The following ITGBL1 variants were observed in gnomAD, a reference collection of about 807,000 sequenced individuals.
ITGBL1 encodes integrin beta-like protein 1.
A neutral mutation model predicts 68.5 loss-of-function variants in ITGBL1; 51 were observed. The ratio of observed to expected loss-of-function variants is 0.74; its 90% CI spans 0.59 to 0.94. The LOEUF (loss-of-function observed/expected upper bound fraction) is 0.94. ITGBL1 is among the 40% of genes least tolerant of loss of function. ITGBL1 has a pLI of 0.00. For synonymous variants in ITGBL1, 209 were observed against 227.3 expected (o/e 0.92, Z 0.72); for missense variants, 649 against 647.4 (o/e 1.00, Z -0.03).
chr13:101,554,756 G>A (rs2049978235), intron 2 of ITGBL1, among the ~76,000 whole-genome samples: 1 of 152,206 alleles, frequency 6.6e-6, no homozygotes, highest in Admixed American at 6.5e-5. Context: ...GGTGGGGCAG[G>A]GGACAGGGCC....
At chr13:101,527,507 T>C (rs2049400662) in intron 2 of ITGBL1, among the ~76,000 whole-genome samples, 1 of 152,114 alleles carries the variant, frequency 6.6e-6, no homozygotes, top group South Asian at 2.1e-4. Flanking sequence ...GAGGCTATCA[T>C]GAATAAAACT....
chr13:101,546,335 C>A (rs749397452), intron 2 of ITGBL1, among the ~76,000 whole-genome samples: 2 of 151,820 alleles, frequency 1.3e-5, no homozygotes, highest in Admixed American at 1.3e-4. Flanking sequence ...GGGTGTTAAA[C>A]GATAGGTAGG....
intron 7 of ITGBL1, among the ~76,000 whole-genome samples, chr13:101,628,295 C>T (rs1199745969): frequency 6.6e-6 from 1 of 151,942 alleles, no homozygotes; most frequent in Non-Finnish European, 1.5e-5. Flanking sequence ...AATTGTTTTT[C>T]TCTTATTGTT....
intron 7 of ITGBL1, among the ~76,000 whole-genome samples, chr13:101,605,434 G>T (rs200134224): frequency 3.3e-5 from 4 of 120,170 alleles, no homozygotes; most frequent in South Asian, 2.7e-4. Flanking sequence ...ATATAGACAT[G>T]TATATGCGTA....
chr13:101,572,351 G>A (rs1238883845), intron 3 of ITGBL1, among the ~76,000 whole-genome samples: 15 of 152,136 alleles, frequency 9.9e-5, no homozygotes, highest in Admixed American at 9.8e-4. Context: ...GGATCAAAGT[G>A]TTCCAGAGGC....
chr13:101,504,081 C>T (rs1051901366), intron 2 of ITGBL1, among the ~76,000 whole-genome samples: 7 of 152,074 alleles, frequency 4.6e-5, no homozygotes, highest in Non-Finnish European at 8.8e-5. Flanking sequence ...AAAAAATGAA[C>T]TGTAAATGAA....
intron 9 of ITGBL1, chr13:101,713,753 TTTAG>T (rs1192913250): frequency 2.0e-5 from 3 of 152,142 alleles, no homozygotes; most frequent in South Asian, 4.1e-4. Flanking sequence ...GAGGAAGTTT[TTTAG>T]TTAGGTAGGA....
intron 7 of ITGBL1, among the ~76,000 whole-genome samples, chr13:101,602,364 C>A (rs1293087460): frequency 6.6e-6 from 1 of 151,940 alleles, no homozygotes; most frequent in Non-Finnish European, 1.5e-5. Context: ...TAGAAGAACA[C>A]GTGTTCCATT....
At chr13:101,671,623 A>T (rs1200962306) in intron 7 of ITGBL1, among the ~76,000 whole-genome samples, 1 of 150,236 alleles carries the variant, frequency 6.7e-6, no homozygotes, top group African/African-American at 2.5e-5. Context: ...TATTTTTAGT[A>T]GAGGCGGGGT....
At chr13:101,586,426 G>C (rs1028159224) in intron 6 of ITGBL1, among the ~76,000 whole-genome samples, 4 of 152,192 alleles carry the variant, frequency 2.6e-5, no homozygotes, top group African/African-American at 9.6e-5. Flanking sequence ...ATTGAGGAAA[G>C]AGGAAGAAAC....
At chr13:101,471,558 GTGTGTGTGTGTA>G (rs1162031560) in intron 2 of ITGBL1, among the ~76,000 whole-genome samples, 3 of 130,686 alleles carry the variant, frequency 2.3e-5, no homozygotes, top group East Asian at 6.8e-4. Flanking sequence ...GTGTGTGTGT[GTGTGTGTGTGTA>G]TATATATTTC....
chr13:101,494,242 T>G (rs879915243), intron 2 of ITGBL1, among the ~76,000 whole-genome samples: 33 of 152,218 alleles, frequency 2.2e-4, no homozygotes, highest in Non-Finnish European at 3.2e-4. Flanking sequence ...GCGGCTTACT[T>G]AAAGTCTCAA....
chr13:101,594,526 G>T (rs1439190560), intron 6 of ITGBL1, among the ~76,000 whole-genome samples: 2 of 148,258 alleles, frequency 1.3e-5, no homozygotes, highest in Non-Finnish European at 3.0e-5. Flanking sequence ...TCTTAGCAAT[G>T]ATTTTTTTTT....
chr13:101,714,876 T>G, intron 10 of ITGBL1: 1 of 300,632 alleles, frequency 3.3e-6, no homozygotes, highest in Non-Finnish European at 6.2e-6. Flanking sequence ...CATTTTACTT[T>G]GAACATGGTA....
At chr13:101,605,374 A>G (rs1244137930) in intron 7 of ITGBL1, among the ~76,000 whole-genome samples, 3 of 151,072 alleles carry the variant, frequency 2.0e-5, no homozygotes, top group African/African-American at 7.3e-5. Context: ...ATATGCGTAT[A>G]TATACACATA....
intron 2 of ITGBL1, among the ~76,000 whole-genome samples, chr13:101,470,478 T>C (rs2048442423): frequency 1.3e-5 from 2 of 152,064 alleles, no homozygotes; most frequent in Non-Finnish European, 2.9e-5. Context: ...AGACGTGGTG[T>C]TTGTCTTTAA....
At chr13:101,577,128 T>C (rs1322578388) in intron 4 of ITGBL1, among the ~76,000 whole-genome samples, 1 of 152,194 alleles carries the variant, frequency 6.6e-6, no homozygotes, top group African/African-American at 2.4e-5. Flanking sequence ...GTTTGAGGCT[T>C]AAGCAATTTC....
intron 7 of ITGBL1, among the ~76,000 whole-genome samples, chr13:101,644,349 T>A (rs2032489286): frequency 6.6e-6 from 1 of 152,190 alleles, no homozygotes; most frequent in Non-Finnish European, 1.5e-5. Context: ...ATTTGGAATC[T>A]GAGTGATATT....
intron 7 of ITGBL1, among the ~76,000 whole-genome samples, chr13:101,677,202 G>A (rs185081031): frequency 1.7e-3 from 264 of 152,188 alleles, no homozygotes; most frequent in Non-Finnish European, 2.1e-3. Context: ...GTCGGCAGAG[G>A]GGGAAAAAGA....
Sources: gnomAD v4.1 joint callset for allele counts (sites outside exome capture counted in the v4.1 genomes callset) on GRCh38, gnomAD v4.1.1 for gene constraint, MANE v1.5 for transcripts, NCBI Gene and HGNC (gene_info 2026-07-23, HGNC 2026-07-21) for gene names.